Variants in MOV10L1 observed in about 807,000 individuals in gnomAD.
MOV10L1 encodes Mov10 like RNA helicase 1.
Under a neutral mutation model 143.8 loss-of-function variants are expected in MOV10L1, and 110 were observed. That is an observed-to-expected ratio of 0.76 (90% CI 0.66 to 0.90). MOV10L1 has a LOEUF of 0.90. Ranked by LOEUF, MOV10L1 falls within the 40% of genes least tolerant of loss-of-function variation. The pLI is 0.00. For missense variants in MOV10L1, 1,406 were observed against 1,526.8 expected, an observed-to-expected ratio of 0.92 and a Z score of 1.32; for synonymous variants, 593 against 581.1, an observed-to-expected ratio of 1.02 and a Z score of -0.29.
At chr22:50,156,569 TG>T (rs1353667792) in intron 22 of MOV10L1, among the ~76,000 whole-genome samples, 1 of 152,248 alleles carries the variant, frequency 6.6e-6, no homozygotes, top group Admixed American at 6.5e-5. Context: ...ACTTTCTGAC[TG>T]TATGAATTCA....
intron 13 of MOV10L1, among the ~76,000 whole-genome samples, chr22:50,132,024 G>A (rs1428838023): frequency 2.0e-5 from 3 of 152,176 alleles, no homozygotes; most frequent in South Asian, 4.1e-4. Context: ...GTGTCCTCAC[G>A]CAGCAGAAGG....
intron 19 of MOV10L1, among the ~76,000 whole-genome samples, chr22:50,148,480 G>A (rs1171082657): frequency 1.3e-5 from 2 of 151,978 alleles, no homozygotes; most frequent in Non-Finnish European, 1.5e-5. Flanking sequence ...TCCCCACCCC[G>A]TCCATCAGCA....
At chr22:50,157,115 G>A (rs1334746261) in intron 22 of MOV10L1, among the ~76,000 whole-genome samples, 1 of 152,198 alleles carries the variant, frequency 6.6e-6, no homozygotes, top group Non-Finnish European at 1.5e-5. Flanking sequence ...GTGACATTGA[G>A]CAGCTTTTCA....
In MOV10L1 at chr22:50,159,851, C is replaced by A; in HGVS notation, c.3324+66C>A. The A allele has an allele frequency of 9.1e-7, 1 of 1,101,702 alleles. No individual in the cohort carries two copies. Among genetic ancestry groups the A allele is most frequent in the Non-Finnish European group, 1.4e-6 (1 of 734,794 alleles). 68.2% of individuals were successfully genotyped at this position (1,101,702 alleles called of 1,614,324 possible). On this transcript the variant is annotated intron_variant, in intron 24 of 26. Transcript: ENST00000262794. This position sits in a 1 kb window ranked among gnomAD's most constrained non-coding sequence, Gnocchi z 4.1. ...CTTGCTGCCCTGGGGGTTCTGGGGGCTTCAGATCTAAAGGGGCAGAGGCTG... is the reference window on the plus strand; with the variant it reads ...CTTGCTGCCCTGGGGGTTCTGGGGGATTCAGATCTAAAGGGGCAGAGGCTG...
chr22:50,157,650 G>A (rs899143493), intron 22 of MOV10L1, among the ~76,000 whole-genome samples: 28 of 149,798 alleles, frequency 1.9e-4, no homozygotes, highest in Admixed American at 1.5e-3. Flanking sequence ...TAAGTTCTCC[G>A]TTCTACCCTG....
chr22:50,107,649 G>T (rs1449268168), intron 3 of MOV10L1, among the ~76,000 whole-genome samples: 5 of 152,206 alleles, frequency 3.3e-5, no homozygotes, highest in Non-Finnish European at 5.9e-5. Context: ...GCTGCGGGAG[G>T]CCCAGCGGTG....
In MOV10L1 at chr22:50,099,528, G is replaced by C. The variant is rs200845485; in HGVS notation, c.368G>C (p.Cys123Ser). 1 of 1,614,236 alleles carries C rather than the reference G, an allele frequency of 6.2e-7. No individual in the cohort carries two copies. Among genetic ancestry groups the C allele is most frequent in the East Asian group, 2.2e-5 (1 of 44,892 alleles). ...SDCGPRVLIG[C>S]VTSLVEGAGC... is the part of the protein sequence containing the mutation. ...TGCGGCCCCCGAGTGTTGATTGGCTGTGTGACTTCCCTGGTGGAGGGCGCA... is the reference window on the plus strand; with the variant it reads ...TGCGGCCCCCGAGTGTTGATTGGCTCTGTGACTTCCCTGGTGGAGGGCGCA... The change falls in exon 3 of 27, where the codon TGT becomes TCT. Residue 123 changes from cysteine to serine, a missense_variant. By Grantham distance (112) the Cys-to-Ser change is moderately radical. Coordinates refer to ENST00000262794, the MANE Select transcript of MOV10L1 (RefSeq NM_018995.3).
At chr22:50,151,713 C>T (rs1439384419) in intron 21 of MOV10L1, among the ~76,000 whole-genome samples, 1 of 152,260 alleles carries the variant, frequency 6.6e-6, no homozygotes, top group African/African-American at 2.4e-5. Context: ...CGCTGTGCGC[C>T]TGTACCCGCT....
Position 50,128,501 on chromosome 22 carries a change from A to G in MOV10L1, c.1904A>G (p.Tyr635Cys), listed in dbSNP as rs943611776. The stretch of plus-strand genomic sequence containing the variant: ...GAACCTATGGATGTGGAATTTACAT[A>G]TAATAGGTAATGCTTTTAGTGAGTC... Reference protein sequence around the residue: ...NFEPMDVEFTYNRTTSRRCHF... With the variant: ...NFEPMDVEFTCNRTTSRRCHF... Residue 635 changes from tyrosine to cysteine, a missense_variant, in exon 13 of 27, where the codon TAT (tyrosine) becomes TGT (cysteine). Physicochemically the swap from Tyr to Cys is radical, Grantham distance 194 (BLOSUM62 -2). This residue lies in a region of MOV10L1 where 1,233 missense variants were observed against 1,351.4 expected (regional missense o/e 0.91). Coordinates refer to ENST00000262794, the MANE Select transcript of MOV10L1 (RefSeq NM_018995.3). 3 of 1,408,590 alleles carry G rather than the reference A, an allele frequency of 2.1e-6. No individual in the cohort carries two copies. The highest frequency in any genetic ancestry group is 1.9e-5 in the Admixed American group (1 of 53,412). 87.3% of individuals were successfully genotyped at this position (1,408,590 alleles called of 1,614,324 possible).
chr22:50,122,792 TATTTA>T (rs2062386471), intron 10 of MOV10L1, among the ~76,000 whole-genome samples: 1 of 107,956 alleles, frequency 9.3e-6, no homozygotes, highest in Admixed American at 1.1e-4. Context: ...TTTATTTATT[TATTTA>T]TTTTTGAGAC....
chr22:50,158,417 C>T lies in MOV10L1; in HGVS notation c.3216+211C>T. The T allele has an allele frequency of 1.8e-6, 1 of 562,026 alleles. No homozygotes were observed. Among genetic ancestry groups the T allele is most frequent in the Non-Finnish European group, 3.1e-6 (1 of 323,132 alleles). 34.8% of individuals were successfully genotyped at this position (562,026 alleles called of 1,614,324 possible). A position where few individuals can be genotyped will look rare whatever the true frequency, so the allele number is the denominator to read the frequency against. ...GGGCAGCTGCCAGCTTTTCTACGGC[C>T]AGAGCCTCGAACAGTTTTTACATTT... On this transcript the variant is annotated intron_variant, in intron 23 of 26. Coordinates refer to ENST00000262794, the MANE Select transcript of MOV10L1 (RefSeq NM_018995.3). This position sits in a 1 kb window ranked among gnomAD's most constrained non-coding sequence, Gnocchi z 5.0.
intron 3 of MOV10L1, among the ~76,000 whole-genome samples, chr22:50,102,843 G>A (rs1264274873): frequency 1.8e-4 from 27 of 152,120 alleles, no homozygotes; most frequent in Admixed American, 1.8e-3. Context: ...AGAGGTTGCG[G>A]TGAGCCAAGA....
intron 13 of MOV10L1, among the ~76,000 whole-genome samples, chr22:50,130,240 A>G (rs1204388039): frequency 6.6e-6 from 1 of 152,064 alleles, no homozygotes; most frequent in African/African-American, 2.4e-5. Flanking sequence ...ATACTACTGC[A>G]CTCCAGCCTG....
At chr22:50,109,905 C>T (rs1324019461) in intron 5 of MOV10L1, among the ~76,000 whole-genome samples, 2 of 152,044 alleles carry the variant, frequency 1.3e-5, no homozygotes, top group African/African-American at 2.4e-5. Context: ...AATCCCAACG[C>T]TTTGGGATGC....
chr22:50,110,448 CAAA>C (rs34675632), intron 5 of MOV10L1, among the ~76,000 whole-genome samples: 2 of 127,452 alleles, frequency 1.6e-5, no homozygotes, highest in Non-Finnish European at 3.4e-5. Context: ...CACTCCATCT[CAAA>C]AAAAAAAAAA....
At chr22:50,126,350 G>C in intron 12 of MOV10L1, 78 bp downstream of exon 12, 1 of 1,039,364 alleles carries the variant, frequency 9.6e-7, no homozygotes, top group South Asian at 1.4e-5. Context: ...TCTCCCCACG[G>C]CTCTTGGGGA....
At chr22:50,137,127 C>T (rs756605788) in intron 15 of MOV10L1, among the ~76,000 whole-genome samples, 4 of 152,186 alleles carry the variant, frequency 2.6e-5, no homozygotes, top group Non-Finnish European at 5.9e-5. Flanking sequence ...AAAATGGACA[C>T]TGACATCTGG....
At chr22:50,134,718 C>T in intron 15 of MOV10L1, 88 bp downstream of exon 15, 1 of 1,132,746 alleles carries the variant, frequency 8.8e-7, no homozygotes. Context: ...AGCGGCGTGA[C>T]TGTCTCTACA....
chr22:50,110,518 G>A (rs976290887), intron 5 of MOV10L1, among the ~76,000 whole-genome samples: 5 of 152,032 alleles, frequency 3.3e-5, no homozygotes, highest in Non-Finnish European at 7.4e-5. Flanking sequence ...GTGGAGTTAG[G>A]GGTCGCTCTT....
Sources: gnomAD v4.1 joint callset for allele counts (sites outside exome capture counted in the v4.1 genomes callset) on GRCh38, gnomAD v4.1.1 for gene constraint, gnomAD v4.1.1 regional missense constraint, Gnocchi (gnomAD v3.1) non-coding constraint, MANE v1.5 for transcripts, NCBI Gene and HGNC (gene_info 2026-07-23, HGNC 2026-07-21) for gene names.